The following GRM8 variants were observed in gnomAD, a reference collection of about 807,000 sequenced individuals.
GRM8 encodes metabotropic glutamate receptor 8.
In GRM8, 47 loss-of-function variants were observed where a neutral mutation model predicts 87.2. The observed-to-expected ratio is 0.54, with a 90% CI of 0.43 to 0.69. The LOEUF is 0.69. Ranked by LOEUF, GRM8 falls within the 30% of genes least tolerant of loss-of-function variation. GRM8 has a pLI of 0.00. For synonymous variants in GRM8, 396 were observed against 404.5 expected (o/e 0.98, Z 0.25); for missense variants, 1,019 against 1,139.2 (o/e 0.89, Z 1.52).
chr7:127,081,360 C>A (rs1223725374), intron 3 of GRM8, among the ~76,000 whole-genome samples: 8 of 152,216 alleles, frequency 5.3e-5, no homozygotes, highest in Admixed American at 2.0e-4. Flanking sequence ...TCATTATTCA[C>A]AATGCAATGC....
intron 3 of GRM8, among the ~76,000 whole-genome samples, chr7:127,055,319 C>A (rs188426878): frequency 1.4e-4 from 21 of 152,098 alleles, no homozygotes; most frequent in Non-Finnish European, 2.9e-5. Context: ...CTGAAGGATC[C>A]AAAGAGGTCA....
At chr7:126,528,269 T>A (rs2150829524) in intron 9 of GRM8, among the ~76,000 whole-genome samples, 1 of 152,270 alleles carries the variant, frequency 6.6e-6, no homozygotes, top group East Asian at 1.9e-4. Context: ...GGGGGTCTGC[T>A]CAGATATGGT....
intron 3 of GRM8, among the ~76,000 whole-genome samples, chr7:126,946,551 G>C (rs902228293): frequency 6.6e-6 from 1 of 152,106 alleles, no homozygotes; most frequent in Non-Finnish European, 1.5e-5. Context: ...AGGAAAGAAA[G>C]ACCAGGACTT....
intron 6 of GRM8, among the ~76,000 whole-genome samples, chr7:126,845,878 G>A (rs1417687125): frequency 6.6e-6 from 1 of 151,932 alleles, no homozygotes. Context: ...AGAGGGTCAG[G>A]GTGAATCCCT....
At chr7:126,450,343 G>A (rs1402133289) in intron 9 of GRM8, among the ~76,000 whole-genome samples, 3 of 151,750 alleles carry the variant, frequency 2.0e-5, no homozygotes, top group East Asian at 2.0e-4. Context: ...TTTATGCCAC[G>A]TGATAAGAAA....
In GRM8 at chr7:127,152,652, T is replaced by C. The variant is rs17865448; in HGVS notation, c.511-45940A>G. On this transcript the variant is annotated intron_variant, in intron 2 of 10. Coordinates refer to ENST00000339582, the MANE Select transcript of GRM8 (RefSeq NM_000845.3). ...GGAAGGTCAGCCTAGTGTCCTTAGGTGACTCTTCCTTTGCCAATTTGTTTT... is the reference window on the plus strand; with the variant it reads ...GGAAGGTCAGCCTAGTGTCCTTAGGCGACTCTTCCTTTGCCAATTTGTTTT... Among the ~76,000 whole-genome samples the C allele has an allele frequency of 9.2e-4, 140 of 152,254 alleles. 1 individual carries two copies. Among genetic ancestry groups the C allele is most frequent in the African/African-American group, 3.3e-3 (136 of 41,544 alleles).
chr7:126,532,073 T>C (rs780141952), intron 9 of GRM8, among the ~76,000 whole-genome samples: 62 of 152,214 alleles, frequency 4.1e-4, no homozygotes, highest in Non-Finnish European at 8.8e-5. Flanking sequence ...ACCCGAAAAG[T>C]GGAATTCAGA....
At chr7:126,443,570 C>A (rs1584620134) in intron 10 of GRM8, among the ~76,000 whole-genome samples, 1 of 151,916 alleles carries the variant, frequency 6.6e-6, no homozygotes, top group Non-Finnish European at 1.5e-5. Flanking sequence ...CTTATTCAAA[C>A]CTAAATTATA....
chr7:126,902,105 G>A (rs1802142448), intron 6 of GRM8, among the ~76,000 whole-genome samples: 1 of 152,170 alleles, frequency 6.6e-6, no homozygotes, highest in Non-Finnish European at 1.5e-5. Flanking sequence ...TAGCTGCTAT[G>A]CAGGATTTAA....
At chr7:126,948,244 G>T (rs1358941556) in intron 3 of GRM8, among the ~76,000 whole-genome samples, 2 of 151,928 alleles carry the variant, frequency 1.3e-5, no homozygotes, top group Non-Finnish European at 2.9e-5. Context: ...ACCTTACTCT[G>T]CATGAAGAGA....
chr7:126,656,242 C>T (rs1179703228), intron 7 of GRM8, among the ~76,000 whole-genome samples: 1 of 152,158 alleles, frequency 6.6e-6, no homozygotes, highest in Non-Finnish European at 1.5e-5. Context: ...ACATCCTTTC[C>T]TTCTGGTAGT....
intron 2 of GRM8, among the ~76,000 whole-genome samples, chr7:127,205,317 G>A (rs1023724585): frequency 2.0e-5 from 3 of 152,156 alleles, no homozygotes; most frequent in Non-Finnish European, 4.4e-5. Flanking sequence ...ATTCAAGGCG[G>A]TGAGATGGGA....
At chr7:126,839,848 T>G (rs1796115182) in intron 6 of GRM8, among the ~76,000 whole-genome samples, 1 of 152,154 alleles carries the variant, frequency 6.6e-6, no homozygotes, top group Non-Finnish European at 1.5e-5. Flanking sequence ...AATTGAATTA[T>G]TCACAAGATC....
chr7:126,644,352 C>G (rs2151216570), intron 7 of GRM8, among the ~76,000 whole-genome samples: 1 of 152,250 alleles, frequency 6.6e-6, no homozygotes, highest in South Asian at 2.1e-4. Context: ...TGTGAGAACT[C>G]ACATCATCCC....
chr7:126,936,483 T>C (rs938202403), intron 3 of GRM8, among the ~76,000 whole-genome samples: 1 of 152,218 alleles, frequency 6.6e-6, no homozygotes, highest in African/African-American at 2.4e-5. Context: ...CTTTTAGTTA[T>C]AGAATTCCCT....
chr7:126,898,669 C>T (rs1371200172), intron 6 of GRM8, among the ~76,000 whole-genome samples: 1 of 152,210 alleles, frequency 6.6e-6, no homozygotes, highest in Non-Finnish European at 1.5e-5. Flanking sequence ...CGGCCACAAA[C>T]CAGTTCAGTA....
chr7:127,079,835 T>A (rs1822663118), intron 3 of GRM8, among the ~76,000 whole-genome samples: 1 of 78,860 alleles, frequency 1.3e-5, no homozygotes, highest in Non-Finnish European at 2.6e-5. Flanking sequence ...TTCGTAGGTA[T>A]TTTTTTTTCC....
intron 9 of GRM8, among the ~76,000 whole-genome samples, chr7:126,449,983 C>T (rs1297300193): frequency 6.6e-6 from 1 of 151,686 alleles, no homozygotes; most frequent in Non-Finnish European, 1.5e-5. Context: ...AGTCAGATGC[C>T]CTGAAGCAGA....
intron 3 of GRM8, among the ~76,000 whole-genome samples, chr7:127,071,488 C>T (rs1212393694): frequency 1.3e-5 from 2 of 152,160 alleles, no homozygotes; most frequent in East Asian, 1.9e-4. Flanking sequence ...GGTGAACAGA[C>T]ATTAATGTAA....
Sources: gnomAD v4.1 joint callset for allele counts (sites outside exome capture counted in the v4.1 genomes callset) on GRCh38, gnomAD v4.1.1 for gene constraint, MANE v1.5 for transcripts, NCBI Gene and HGNC (gene_info 2026-07-23, HGNC 2026-07-21) for gene names.